The following CTNNA3 variants were observed in gnomAD, a reference collection of about 807,000 sequenced individuals.
CTNNA3 encodes the protein catenin alpha-3.
In CTNNA3, 76 loss-of-function variants were observed where a neutral mutation model predicts 95.7. The observed-to-expected ratio is 0.79, with a 90% CI of 0.66 to 0.96. CTNNA3 has a LOEUF of 0.96. Ranked by LOEUF, CTNNA3 falls within the 40% of genes least tolerant of loss-of-function variation. The pLI, the probability that CTNNA3 is intolerant of heterozygous loss-of-function variation, is 0.00. For missense variants in CTNNA3, 1,191 were observed against 1,089.8 expected (o/e 1.09, Z -1.31); for synonymous variants, 431 against 374.4 (o/e 1.15, Z -1.74).
intron 7 of CTNNA3, among the ~76,000 whole-genome samples, chr10:66,901,665 T>C (rs1292350112): frequency 2.0e-5 from 3 of 151,790 alleles, no homozygotes; most frequent in Non-Finnish European, 2.9e-5. Context: ...AGGCTCAAAA[T>C]AAAGGGATGG....
chr10:67,726,439 A>AATATTATATATT (rs1461778786), intron 1 of CTNNA3, among the ~76,000 whole-genome samples: 15 of 53,172 alleles, frequency 2.8e-4, no homozygotes, highest in East Asian at 6.6e-4. Flanking sequence ...TATCATATAT[A>AATATTATATATT]ATATATAATA....
chr10:66,632,423 C>T (rs190678205), intron 9 of CTNNA3, among the ~76,000 whole-genome samples: 9 of 151,758 alleles, frequency 5.9e-5, no homozygotes, highest in Admixed American at 1.3e-4. Flanking sequence ...GGCTTGGTGG[C>T]GCATGCCTGT....
intron 7 of CTNNA3, among the ~76,000 whole-genome samples, chr10:66,942,570 CTCTCTCTG>C (rs1458166445): frequency 1.3e-5 from 2 of 151,300 alleles, no homozygotes; most frequent in African/African-American, 4.9e-5. Context: ...CTCTCTCTCT[CTCTCTCTG>C]TGTGTGTGTA....
chr10:65,940,276 A>G (rs1187640347), intron 17 of CTNNA3, among the ~76,000 whole-genome samples: 1 of 152,204 alleles, frequency 6.6e-6, no homozygotes, highest in Non-Finnish European at 1.5e-5. Context: ...TTGTTTCATA[A>G]CAGTTGGGAA....
intron 9 of CTNNA3, among the ~76,000 whole-genome samples, chr10:66,765,033 C>G (rs1589229367): frequency 6.6e-6 from 1 of 152,108 alleles, no homozygotes; most frequent in Admixed American, 6.6e-5. Flanking sequence ...CCATATCTAA[C>G]AGAGTTCTTG....
chr10:66,829,968 C>T (rs1047502753), intron 7 of CTNNA3, among the ~76,000 whole-genome samples: 2 of 152,072 alleles, frequency 1.3e-5, no homozygotes, highest in Middle Eastern at 3.4e-3. Flanking sequence ...CGGGTTCACG[C>T]CATTCTCCTG....
chr10:66,435,879 TC>T (rs1175339204), intron 11 of CTNNA3, among the ~76,000 whole-genome samples: 2 of 152,194 alleles, frequency 1.3e-5, no homozygotes, highest in Non-Finnish European at 2.9e-5. Flanking sequence ...GTATGTTGTG[TC>T]TTTGTTCTTA....
chr10:66,713,865 T>C (rs902997546), intron 9 of CTNNA3, among the ~76,000 whole-genome samples: 1 of 152,142 alleles, frequency 6.6e-6, no homozygotes, highest in African/African-American at 2.4e-5. Flanking sequence ...TCATTTATAC[T>C]CTTGCCCTGG....
intron 7 of CTNNA3, among the ~76,000 whole-genome samples, chr10:67,001,271 A>G (rs1229568518): frequency 6.6e-6 from 1 of 150,384 alleles, no homozygotes; most frequent in East Asian, 1.9e-4. Flanking sequence ...ACTGCACTCC[A>G]GCCTGACGAC....
chr10:67,305,120 C>CA (rs1215305022), intron 5 of CTNNA3, among the ~76,000 whole-genome samples: 16 of 152,110 alleles, frequency 1.1e-4, no homozygotes, highest in African/African-American at 3.1e-4. Context: ...ACTAAAAATA[C>CA]AAAAAATTAG....
intron 12 of CTNNA3, among the ~76,000 whole-genome samples, chr10:66,354,153 G>A (rs1294846861): frequency 6.6e-6 from 1 of 151,802 alleles, no homozygotes; most frequent in African/African-American, 2.4e-5. Flanking sequence ...GCATGGTGGC[G>A]GGCGCCTGTA....
At chr10:66,441,536 A>G (rs2093375583) in intron 11 of CTNNA3, among the ~76,000 whole-genome samples, 2 of 152,324 alleles carry the variant, frequency 1.3e-5, no homozygotes, top group Middle Eastern at 3.4e-3. Context: ...TTGCTATTCC[A>G]AGACTAAATA....
chr10:67,494,238 A>G (rs1383553467), intron 5 of CTNNA3, among the ~76,000 whole-genome samples: 4 of 152,224 alleles, frequency 2.6e-5, no homozygotes, highest in Admixed American at 2.0e-4. Context: ...GCTGATAATT[A>G]GAGCTATTTA....
At chr10:67,094,944 C>T (rs1305594658) in intron 7 of CTNNA3, among the ~76,000 whole-genome samples, 1 of 151,276 alleles carries the variant, frequency 6.6e-6, no homozygotes, top group Non-Finnish European at 1.5e-5. Context: ...TGATGTATCA[C>T]CAAAATTTGC....
At chr10:66,315,351 A>G (rs2092086515) in intron 12 of CTNNA3, among the ~76,000 whole-genome samples, 1 of 152,016 alleles carries the variant, frequency 6.6e-6, no homozygotes, top group African/African-American at 2.4e-5. Context: ...CAGATTTTGT[A>G]TATCCTGCCT....
chr10:67,127,946 G>A (rs118177866), intron 7 of CTNNA3, among the ~76,000 whole-genome samples: 1,684 of 152,010 alleles, frequency 0.011, 14 homozygotes, highest in Middle Eastern at 0.031. Context: ...GGGTTTAATC[G>A]TTCACATTAA....
At position 66,050,755 on chromosome 10, in the gene CTNNA3, A is replaced by G. The variant is rs114179585; in HGVS notation, c.2159+18553T>C. Among the ~76,000 whole-genome samples, 1,145 of 152,074 alleles carry G rather than the reference A, an allele frequency of 7.5e-3. 9 individuals carry two copies. The highest frequency in any genetic ancestry group is 0.027 in the African/African-American group (1,108 of 41,496). The stretch of plus-strand genomic sequence containing the variant: ...CTTCCACTTTCCCACCTAGGAAGCT[A>G]CTCATCCTATCAGATTGAGCTCAAA... On this transcript the variant is annotated intron_variant, in intron 15 of 17. Coordinates refer to ENST00000433211, the MANE Select transcript of CTNNA3 (RefSeq NM_013266.4).
intron 11 of CTNNA3, among the ~76,000 whole-genome samples, chr10:66,474,995 C>T (rs1219938656): frequency 6.6e-6 from 1 of 151,968 alleles, no homozygotes. Flanking sequence ...AGTTTGCAGA[C>T]ATTTACTCTC....
At chr10:66,098,023 C>T (rs943022222) in intron 14 of CTNNA3, 2 of 152,030 alleles carry the variant, frequency 1.3e-5, no homozygotes, top group Non-Finnish European at 2.9e-5. Flanking sequence ...TGAAGTGACC[C>T]ACCAAGAGAG....
Sources: gnomAD v4.1 joint callset for allele counts (sites outside exome capture counted in the v4.1 genomes callset) on GRCh38, gnomAD v4.1.1 for gene constraint, MANE v1.5 for transcripts, NCBI Gene and HGNC (gene_info 2026-07-23, HGNC 2026-07-21) for gene names.